Variants in RGL1 observed in about 807,000 individuals in gnomAD.
The protein encoded by RGL1 is ral guanine nucleotide dissociation stimulator like 1.
Under a neutral mutation model 95.2 loss-of-function variants are expected in RGL1, and 24 were observed. The ratio of observed to expected loss-of-function variants is 0.25; its 90% CI spans 0.18 to 0.35. The LOEUF is 0.35. RGL1 is among the 10% of genes least tolerant of loss of function. The pLI is 1.00. For synonymous variants in RGL1, 329 were observed against 344.9 expected (o/e 0.95, Z 0.51); for missense variants, 715 against 936.3 (o/e 0.76, Z 3.08).
chr1:183,702,120 A>C (rs2102145454), intron 1 of RGL1, among the ~76,000 whole-genome samples: 1 of 152,306 alleles, frequency 6.6e-6, no homozygotes, highest in African/African-American at 2.4e-5. Context: ...AGAGAATGAA[A>C]GTTTGTTTTT....
intron 1 of RGL1, among the ~76,000 whole-genome samples, chr1:183,741,718 T>TA (rs980668863): frequency 6.6e-6 from 1 of 152,014 alleles, no homozygotes; most frequent in Non-Finnish European, 1.5e-5. Context: ...GTTTGAAGAG[T>TA]AAAACTCTTG....
At chr1:183,904,697 A>G (rs1221675630) in intron 12 of RGL1, among the ~76,000 whole-genome samples, 153 bp from the exon 13 acceptor site, 3 of 152,154 alleles carry the variant, frequency 2.0e-5, no homozygotes, top group African/African-American at 7.2e-5. Context: ...TAGCTCCTTT[A>G]TTTTTAAGGA....
At chr1:183,872,871 C>G (rs1411886618) in intron 4 of RGL1, among the ~76,000 whole-genome samples, 4 of 152,040 alleles carry the variant, frequency 2.6e-5, no homozygotes, top group African/African-American at 7.2e-5. Flanking sequence ...ACAGCAAAAA[C>G]AAGATTTAAA....
Position 183,904,980 on chromosome 1 carries a change from AC to A in RGL1, c.1472+11del. ...CTGACAGAGGAGGAGAGGTGGGATC[AC>A]CTGTCGTTCATCGGGGTAGAACTGA... On this transcript the variant is annotated intron_variant, in intron 13 of 17. Transcript: ENST00000360851. The A allele has an allele frequency of 6.2e-7, 1 of 1,608,996 alleles. No individual in the cohort carries two copies. The highest frequency in any genetic ancestry group is 8.5e-7 in the Non-Finnish European group (1 of 1,178,604).
Position 183,739,978 on chromosome 1 carries a change from T to G in RGL1, c.-32-2148T>G, listed in dbSNP as rs1657189336. 2.6e-5 allele frequency among the ~76,000 whole-genome samples: 4 copies of G among 152,232 alleles called. No homozygotes were observed. In the South Asian group the frequency reaches 6.2e-4, roughly 24 times the overall value. ...ATTGTTCCCATGAGATTTTGTACTT[T>G]GTCTGTTTTATCCAGGTTTGTTTCC... On this transcript the variant is annotated intron_variant, in intron 1 of 18. Transcript: ENST00000304685.
At chr1:183,644,179 G>A (rs532612738) in intron 1 of RGL1, among the ~76,000 whole-genome samples, 2 of 152,254 alleles carry the variant, frequency 1.3e-5, no homozygotes, top group African/African-American at 4.8e-5. Context: ...ATTTAGAGAA[G>A]CATTAAGGCA....
At chr1:183,865,951 C>T (rs764402845) in intron 3 of RGL1, 45 bp from the exon 4 acceptor site, 26 of 1,380,268 alleles carry the variant, frequency 1.9e-5, no homozygotes, top group Non-Finnish European at 2.7e-5. Context: ...TGCTTTCCAA[C>T]ACCACTGACT....
intron 16 of RGL1, among the ~76,000 whole-genome samples, chr1:183,919,457 G>A (rs1669187585): frequency 6.6e-6 from 1 of 152,196 alleles, no homozygotes; most frequent in Non-Finnish European, 1.5e-5. Flanking sequence ...AAGACAAACA[G>A]CATCTTAGTA....
chr1:183,894,855 T>C (rs564541245), intron 9 of RGL1, among the ~76,000 whole-genome samples: 150 of 152,286 alleles, frequency 9.8e-4, no homozygotes, highest in African/African-American at 3.4e-3. Context: ...TTAGCAAAAA[T>C]CTGTGGTTTT....
chr1:183,919,072 T>C (rs1669160880), intron 16 of RGL1, among the ~76,000 whole-genome samples: 1 of 152,228 alleles, frequency 6.6e-6, no homozygotes, highest in South Asian at 2.1e-4. Flanking sequence ...GTTGTATCTG[T>C]TGATATTTAC....
At chr1:183,839,969 G>C (rs2500105) in intron 2 of RGL1, among the ~76,000 whole-genome samples, 66,609 of 152,088 alleles carry the variant, frequency 0.44, 15,481 homozygotes, top group African/African-American at 0.6. Context: ...GGCCCAAAGA[G>C]CCAGAGGAAA....
intron 2 of RGL1, among the ~76,000 whole-genome samples, chr1:183,810,183 G>A (rs902747950): frequency 6.6e-6 from 1 of 152,188 alleles, no homozygotes; most frequent in African/African-American, 2.4e-5. Context: ...CAACTGTTTG[G>A]GAAGGGCTTT....
intron 3 of RGL1, among the ~76,000 whole-genome samples, chr1:183,859,427 G>T (rs1665371485): frequency 6.6e-6 from 1 of 152,150 alleles, no homozygotes; most frequent in East Asian, 1.9e-4. Context: ...TCTTTAGACA[G>T]TTGTGGGTTA....
At position 183,872,252 on chromosome 1, in the gene RGL1, A is replaced by G. The variant is rs551411116; in HGVS notation, c.425+6179A>G. ...AGAATGTAAAGAAGGGATATTAACC[A>G]TATAGAGCTTTTACAACACGAATCT... On this transcript the variant is annotated intron_variant, in intron 4 of 17. Coordinates refer to ENST00000360851, the MANE Select transcript of RGL1 (RefSeq NM_001297671.3). Among the ~76,000 whole-genome samples the G allele has an allele frequency of 3.9e-5, 6 of 152,364 alleles. No individual in the cohort carries two copies. In the East Asian group the frequency reaches 9.6e-4, roughly 24 times the overall value.
intron 2 of RGL1, among the ~76,000 whole-genome samples, chr1:183,756,815 C>T (rs980884369): frequency 3.9e-5 from 6 of 152,118 alleles, no homozygotes; most frequent in Admixed American, 3.3e-4. Context: ...CTTAATTCTA[C>T]TTCACTTATG....
In RGL1 at chr1:183,786,270, G is replaced by T. The variant is rs910860084; in HGVS notation, c.133-20105G>T. On this transcript the variant is annotated intron_variant, in intron 2 of 18. Coordinates refer to the RGL1 transcript ENST00000304685. ...ATTTTAAAAATTAACTGAGCATCGG[G>T]ATGTATGCCTGTAATTCTAGTTATT... Among the ~76,000 whole-genome samples the T allele has an allele frequency of 5.9e-5, 9 of 152,136 alleles. No individual in the cohort carries two copies. The South Asian group carries it at 1.9e-3, about 32-fold the overall frequency.
At chr1:183,719,185 A>G (rs1379627036) in intron 1 of RGL1, among the ~76,000 whole-genome samples, 5 of 152,218 alleles carry the variant, frequency 3.3e-5, no homozygotes, top group African/African-American at 9.6e-5. Context: ...ACTTAGGGGC[A>G]AACTACACTA....
upstream of RGL1, among the ~76,000 whole-genome samples, chr1:183,801,099 A>T (rs1201213487): frequency 6.6e-6 from 1 of 151,822 alleles, no homozygotes; most frequent in Non-Finnish European, 1.5e-5. Context: ...CTAACAGTGC[A>T]CAAGGGTTCC....
At chr1:183,853,411 G>A (rs1023115535) in intron 3 of RGL1, among the ~76,000 whole-genome samples, 1 of 152,158 alleles carries the variant, frequency 6.6e-6, no homozygotes, top group Non-Finnish European at 1.5e-5. Context: ...CCAAGCTGAT[G>A]GCACTCAGGT....
Sources: gnomAD v4.1 joint callset for allele counts (sites outside exome capture counted in the v4.1 genomes callset) on GRCh38, gnomAD v4.1.1 for gene constraint, MANE v1.5 for transcripts, NCBI Gene and HGNC (gene_info 2026-07-23, HGNC 2026-07-21) for gene names.